Variants in EEF2K observed in about 807,000 individuals in gnomAD.
The protein encoded by EEF2K is eukaryotic elongation factor 2 kinase.
Under a neutral mutation model 93.8 loss-of-function variants are expected in EEF2K, and 70 were observed. The ratio of observed to expected loss-of-function variants is 0.75; its 90% CI spans 0.62 to 0.91. The LOEUF is 0.91. Among genes scored for constraint, EEF2K ranks in the 40% least tolerant of loss-of-function variants. The pLI is 0.00. For synonymous variants in EEF2K, 376 were observed against 380.8 expected, an observed-to-expected ratio of 0.99 and a Z score of 0.15; for missense variants, 935 against 972.9, an observed-to-expected ratio of 0.96 and a Z score of 0.52.
rs2047745759 is a variant in EEF2K at position 22,285,532 on chromosome 16, A to G, written c.*1536A>G. 1 of 152,218 alleles carries G rather than the reference A, an allele frequency of 6.6e-6. No individual in the cohort carries two copies. Among genetic ancestry groups the G allele is most frequent in the South Asian group, 2.1e-4 (1 of 4,828 alleles). The allele number at this position is 152,218 out of a possible 1,614,324, so 9.4% of individuals were successfully genotyped here. ...TTTCATTTGATGTTTCAAATAGCAA[A>G]GATGCTAGGTGCGGTGGCTCCCGCC... On this transcript the variant is annotated 3_prime_UTR_variant, in exon 18 of 18. Coordinates refer to ENST00000263026, the MANE Select transcript of EEF2K (RefSeq NM_013302.5).
chr16:22,210,586 C>T (rs2046905604), intron 1 of EEF2K, among the ~76,000 whole-genome samples: 1 of 152,152 alleles, frequency 6.6e-6, no homozygotes, highest in Admixed American at 6.5e-5. Flanking sequence ...TGGATTCAGC[C>T]CGCACCAGCT....
intron 6 of EEF2K, among the ~76,000 whole-genome samples, chr16:22,253,873 C>A (rs1001975836): frequency 6.6e-6 from 1 of 151,674 alleles, no homozygotes; most frequent in Non-Finnish European, 1.5e-5. Context: ...CTGAAGTGGG[C>A]GGATCACCTG....
rs75287160 is a variant in EEF2K, at chr16:22,261,480, G to A, written c.1299+951G>A. 1.1e-3 allele frequency among the ~76,000 whole-genome samples: 174 copies of A among 152,172 alleles called. 4 individuals are homozygous for A. The East Asian group carries it at 0.028, about 25-fold the overall frequency. On this transcript the variant is annotated intron_variant, in intron 11 of 17. Transcript: ENST00000263026. ...AAGGGGGGCAGATCACTTGAGGTCA[G>A]GAATTTGAAGACCAGCCTGACCAAC...
At position 22,287,491 on chromosome 16, in the gene EEF2K, G is replaced by A. The variant is rs1289253644; in HGVS notation, c.*3495G>A. ...ATCCAGTACTTTCATTTCACAAATGGAGAAACCGAGGTTCTGCCAGCTAGA... is the reference window on the plus strand; with the variant it reads ...ATCCAGTACTTTCATTTCACAAATGAAGAAACCGAGGTTCTGCCAGCTAGA... On this transcript the variant is annotated 3_prime_UTR_variant, in exon 18 of 18. Transcript: ENST00000263026. 1.3e-5 allele frequency: 2 copies of A among 152,200 alleles called. No individual in the cohort carries two copies. Among genetic ancestry groups the A allele is most frequent in the Non-Finnish European group, 2.9e-5 (2 of 68,042 alleles). 9.4% of individuals were successfully genotyped at this position (152,200 alleles called of 1,614,324 possible).
chr16:22,214,487 C>T (rs535695261), intron 1 of EEF2K, among the ~76,000 whole-genome samples: 8 of 151,406 alleles, frequency 5.3e-5, no homozygotes, highest in Admixed American at 4.6e-4. Flanking sequence ...AGGGAGACGC[C>T]CATCTCTATA....
chr16:22,243,065 A>G, intron 2 of EEF2K, among the ~76,000 whole-genome samples: 1 of 150,236 alleles, frequency 6.7e-6, no homozygotes, highest in African/African-American at 2.5e-5. Flanking sequence ...CCGTCTCTTG[A>G]AAAAAAAATA....
At position 22,273,744 on chromosome 16, in the gene EEF2K, C is replaced by T. The variant is rs370431079; in HGVS notation, c.1883C>T (p.Pro628Leu). 134 of 1,613,566 alleles carry T rather than the reference C, an allele frequency of 8.3e-5. 2 individuals carry two copies. Among genetic ancestry groups the T allele is most frequent in the Middle Eastern group, 5.1e-4 (3 of 5,834 alleles). Residue 628 changes from proline to leucine, a missense_variant, in exon 16 of 18, where the codon CCG (proline) becomes CTG (leucine). Coordinates refer to ENST00000263026, the MANE Select transcript of EEF2K (RefSeq NM_013302.5). The stretch of plus-strand genomic sequence containing the variant: ...TTTGACTCTGGCCAGAACCTCAGCC[C>T]GGACAGGTACTGCAGCTGTCACCCA... ...RAFDSGQNLS[P>L]DRCQDWLEAL...
chr16:22,225,634 G>A lies in EEF2K; in HGVS notation c.-76-20G>A, dbSNP rs570023753. On this transcript the variant is annotated intron_variant, in intron 1 of 17. Transcript: ENST00000263026. Reference sequence around the variant, plus strand: ...CCCTGGGCCCCAGCACCCACTCTCTGGCCCTTGCTTTCCTTGTAGGACCTT... The same window carrying A: ...CCCTGGGCCCCAGCACCCACTCTCTAGCCCTTGCTTTCCTTGTAGGACCTT... 8 of 1,539,110 alleles carry A rather than the reference G, an allele frequency of 5.2e-6. No individual in the cohort carries two copies. In the Admixed American group the frequency reaches 1.1e-4, roughly 22 times the overall value.
In EEF2K at chr16:22,285,093, G is replaced by A. The variant is rs1468933390; in HGVS notation, c.*1097G>A. The A allele has an allele frequency of 2.0e-5, 3 of 152,636 alleles. No homozygotes were observed. The highest frequency in any genetic ancestry group is 4.4e-5 in the Non-Finnish European group (3 of 68,046). The allele number at this position is 152,636 out of a possible 1,614,324, so 9.5% of individuals were successfully genotyped here. On this transcript the variant is annotated 3_prime_UTR_variant, in exon 18 of 18. Coordinates refer to ENST00000263026, the MANE Select transcript of EEF2K (RefSeq NM_013302.5). ...AACTCCTACATCAGCTAGTGTGGAA[G>A]AGGGTGCACCTCAAAGCTTTTACAC...
At chr16:22,216,625 G>C (rs955270182) in intron 1 of EEF2K, among the ~76,000 whole-genome samples, 2 of 152,144 alleles carry the variant, frequency 1.3e-5, no homozygotes, top group African/African-American at 4.8e-5. Context: ...TGGGCACTGT[G>C]ACTCATGCCT....
At position 22,260,553 on chromosome 16, in the gene EEF2K, G is replaced by A. The variant is rs200347700; in HGVS notation, c.1299+24G>A. On this transcript the variant is annotated intron_variant, in intron 11 of 17. Transcript: ENST00000263026. ...GGGTGAGTGTGAAGGGAGGGAGGCT[G>A]CAGGCTTCAGACCCCAGCAGGGGTA... 2.2e-3 allele frequency: 3,517 copies of A among 1,613,888 alleles called. 38 individuals carry two copies. The South Asian group carries it at 0.022, about 10-fold the overall frequency.
chr16:22,266,912 G>T, intron 15 of EEF2K, 36 bp downstream of exon 15: 1 of 1,571,302 alleles, frequency 6.4e-7, no homozygotes, highest in Non-Finnish European at 8.7e-7. Flanking sequence ...GCAGGTGGGG[G>T]TGGGACTTGG....
chr16:22,256,721 G>A (rs952153699), intron 6 of EEF2K, 27 bp from the exon 7 acceptor site: 41 of 1,609,348 alleles, frequency 2.5e-5, no homozygotes, highest in African/African-American at 1.1e-4. Flanking sequence ...GGGCCCTCCC[G>A]CCTGAGCCCA....
At chr16:22,258,369 T>TCCTAA (rs2047428338) in intron 9 of EEF2K, 125 bp from the exon 10 acceptor site, 3 of 973,726 alleles carry the variant, frequency 3.1e-6, no homozygotes. Context: ...ATATATCAGC[T>TCCTAA]CCTAAACAGG....
At chr16:22,245,642 G>A (rs2047281077) in intron 3 of EEF2K, among the ~76,000 whole-genome samples, 1 of 152,076 alleles carries the variant, frequency 6.6e-6, no homozygotes, top group South Asian at 2.1e-4. Flanking sequence ...GATCCATTGA[G>A]CTGAGGAGAT....
chr16:22,258,015 G>A (rs562890276), intron 9 of EEF2K, among the ~76,000 whole-genome samples: 1 of 152,278 alleles, frequency 6.6e-6, no homozygotes, highest in East Asian at 1.9e-4. Flanking sequence ...TTTTACCAGA[G>A]TGAGGGGAAC....
intron 13 of EEF2K, 83 bp from the exon 14 acceptor site, chr16:22,266,307 C>T: frequency 6.6e-7 from 1 of 1,522,488 alleles, no homozygotes; most frequent in Non-Finnish European, 8.8e-7. Flanking sequence ...CAGCCAGGCT[C>T]CTGTGTAGTA....
At chr16:22,235,715 C>G (rs926892712) in intron 2 of EEF2K, among the ~76,000 whole-genome samples, 4 of 152,052 alleles carry the variant, frequency 2.6e-5, no homozygotes, top group Non-Finnish European at 4.4e-5. Flanking sequence ...TCAGGCTGGT[C>G]TCGAACTCCT....
At chr16:22,258,032 G>A (rs939156727) in intron 9 of EEF2K, among the ~76,000 whole-genome samples, 1 of 152,164 alleles carries the variant, frequency 6.6e-6, no homozygotes, top group African/African-American at 2.4e-5. Context: ...GAACAGGCAC[G>A]TGGAGATAGT....
Sources: allele counts gnomAD v4.1 joint callset (sites outside exome capture counted in the v4.1 genomes callset), GRCh38; gene constraint gnomAD v4.1.1; transcripts MANE v1.5; gene names NCBI Gene and HGNC (gene_info 2026-07-23, HGNC 2026-07-21).